The following HIBCH variants were observed in gnomAD, a reference collection of about 807,000 sequenced individuals.
HIBCH encodes 3-hydroxyisobutyryl-CoA hydrolase, mitochondrial.
Under a neutral mutation model 58.2 loss-of-function variants are expected in HIBCH, and 50 were observed. That is an observed-to-expected ratio of 0.86 (90% CI 0.68 to 1.09). The LOEUF is 1.09. Among genes scored for constraint, HIBCH ranks in the 50% least tolerant of loss-of-function variants. The pLI is 0.00. For synonymous variants in HIBCH, 151 were observed against 146.9 expected (o/e 1.03, Z -0.20); for missense variants, 450 against 449.7 (o/e 1.00, Z -0.01).
chr2:190,278,510 C>T (rs771121150), intron 6 of HIBCH, among the ~76,000 whole-genome samples: 1 of 152,144 alleles, frequency 6.6e-6, no homozygotes, highest in Non-Finnish European at 1.5e-5. Context: ...AGCCTAGAAT[C>T]TGCTTTTTAA....
intron 2 of HIBCH, among the ~76,000 whole-genome samples, chr2:190,303,668 C>G (rs1688328178): frequency 6.6e-6 from 1 of 152,154 alleles, no homozygotes; most frequent in African/African-American, 2.4e-5. Flanking sequence ...ATCTCCCTTC[C>G]AAGAGACAGA....
intron 6 of HIBCH, among the ~76,000 whole-genome samples, chr2:190,272,197 G>A (rs1431896332): frequency 6.6e-6 from 1 of 152,164 alleles, no homozygotes; most frequent in African/African-American, 2.4e-5. Context: ...TGCCTGTTTG[G>A]ACAGTAAGCT....
chr2:190,227,912 T>C (rs1685959575), intron 11 of HIBCH, among the ~76,000 whole-genome samples: 1 of 152,152 alleles, frequency 6.6e-6, no homozygotes, highest in Admixed American at 6.5e-5. Context: ...CGACAGGTGC[T>C]GAAGAGGAAG....
chr2:190,258,239 C>T (rs183916362), intron 7 of HIBCH, among the ~76,000 whole-genome samples: 1 of 152,244 alleles, frequency 6.6e-6, no homozygotes, highest in African/African-American at 2.4e-5. Flanking sequence ...TCTTTGGCCA[C>T]GACTGTAAAT....
At chr2:190,257,820 G>A (rs562796395) in intron 7 of HIBCH, among the ~76,000 whole-genome samples, 9 of 152,150 alleles carry the variant, frequency 5.9e-5, no homozygotes, top group South Asian at 2.1e-4. Flanking sequence ...TCCCTGTATC[G>A]GGAACTAACC....
intron 11 of HIBCH, among the ~76,000 whole-genome samples, chr2:190,224,661 C>T (rs934060483): frequency 1.3e-5 from 2 of 152,168 alleles, no homozygotes; most frequent in African/African-American, 4.8e-5. Flanking sequence ...TGCAAAGAGA[C>T]TCAGACTCCC....
Position 190,210,013 on chromosome 2 carries a change from T to A in HIBCH, c.1012-1100A>T, listed in dbSNP as rs1227553727. Among the ~76,000 whole-genome samples, 1 of 152,208 alleles carries A rather than the reference T, an allele frequency of 6.6e-6. No individual in the cohort carries two copies. On this transcript the variant is annotated intron_variant, in intron 12 of 13. Coordinates refer to ENST00000359678, the MANE Select transcript of HIBCH (RefSeq NM_014362.4). The surrounding 1 kb of genome is among the most constrained non-coding windows in gnomAD (Gnocchi z 5.5). ...TTAGTATCATCAACATAATCTTGTT[T>A]CTCTATTGGATCATTCCCAATCATT...
intron 13 of HIBCH, among the ~76,000 whole-genome samples, chr2:190,208,005 A>G (rs986481953): frequency 6.6e-6 from 1 of 152,264 alleles, no homozygotes; most frequent in African/African-American, 2.4e-5. Context: ...CTCATTTTAT[A>G]CAACATAAAT....
At chr2:190,255,385 C>T (rs914166745) in intron 7 of HIBCH, among the ~76,000 whole-genome samples, 1 of 152,180 alleles carries the variant, frequency 6.6e-6, no homozygotes, top group African/African-American at 2.4e-5. Context: ...GTAGCTGACT[C>T]TTGCTATTCA....
At chr2:190,200,118 C>CATTCCATACATT (rs749839939), downstream of HIBCH, 20 of 1,614,008 alleles carry the variant, frequency 1.2e-5, no homozygotes, top group East Asian at 4.2e-4. Context: ...AGTACCATGA[C>CATTCCATACATT]ATTCCATACA....
In HIBCH at chr2:190,279,025, A is replaced by G. The variant is rs1055958520; in HGVS notation, c.438+8561T>C. 6.6e-6 allele frequency among the ~76,000 whole-genome samples: 1 copy of G among 152,216 alleles called. No homozygotes were observed. The highest frequency in any genetic ancestry group is 2.4e-5 in the African/African-American group (1 of 41,448). On this transcript the variant is annotated intron_variant, in intron 6 of 13. Transcript: ENST00000359678. This position sits in a 1 kb window ranked among gnomAD's most constrained non-coding sequence, Gnocchi z 4.2. ...TAAAGAAAAGGAATCTATGTCTTAC[A>G]GCTCTTCTGGAGATTGGGAAAGCCA...
chr2:190,231,987 A>G (rs1034867489), intron 11 of HIBCH, among the ~76,000 whole-genome samples: 1 of 151,996 alleles, frequency 6.6e-6, no homozygotes, highest in African/African-American at 2.4e-5. Context: ...CCTGAGGTCA[A>G]GAGTTCAAGA....
In HIBCH at chr2:190,296,846, A is replaced by T. The variant is rs757046822; in HGVS notation, c.186T>A (p.Leu62=). The T allele has an allele frequency of 5.0e-6, 8 of 1,614,000 alleles. No homozygotes were observed. Among genetic ancestry groups the T allele is most frequent in the Non-Finnish European group, 5.9e-6 (7 of 1,179,852 alleles). Residue 62 remains leucine, a synonymous_variant, in exon 3 of 14, where the codon CTT becomes CTA. Coordinates refer to ENST00000359678, the MANE Select transcript of HIBCH (RefSeq NM_014362.4). ...NRPKFLNALT[L]NMIRQIYPQL... Reference sequence around the variant, plus strand: ...GTGGATAAATCTGCCGAATCATATTAAGAGTCAGTGCATTGAGGAACTTTG... The same window carrying T: ...GTGGATAAATCTGCCGAATCATATTTAGAGTCAGTGCATTGAGGAACTTTG...
chr2:190,302,407 G>A (rs973883705), intron 2 of HIBCH, among the ~76,000 whole-genome samples: 2 of 152,156 alleles, frequency 1.3e-5, no homozygotes, highest in African/African-American at 4.8e-5. Flanking sequence ...ATCACAATTA[G>A]GCCCTATACA....
At chr2:190,224,822 C>T (rs988699623) in intron 11 of HIBCH, among the ~76,000 whole-genome samples, 19 of 152,202 alleles carry the variant, frequency 1.2e-4, no homozygotes, top group Admixed American at 1.2e-3. Flanking sequence ...CCCAAATCAA[C>T]AGAATATACA....
chr2:190,198,924 T>C (rs1015443911), downstream of HIBCH, among the ~76,000 whole-genome samples: 3 of 152,102 alleles, frequency 2.0e-5, no homozygotes, highest in Non-Finnish European at 4.4e-5. Context: ...CAAACAAGGG[T>C]AGGAATGAGA....
At chr2:190,263,232 TATTCCA>T (rs1687142600) in intron 6 of HIBCH, among the ~76,000 whole-genome samples, 2 of 152,186 alleles carry the variant, frequency 1.3e-5, no homozygotes, top group East Asian at 1.9e-4. Flanking sequence ...TATAATACTT[TATTCCA>T]ATTCCAACTC....
chr2:190,237,614 GAAACTGCC>G (rs375694820), intron 11 of HIBCH, among the ~76,000 whole-genome samples: 402 of 152,166 alleles, frequency 2.6e-3, no homozygotes, highest in African/African-American at 9.0e-3. Context: ...AACTTTGTAA[GAAACTGCC>G]AAACTGCATT....
intron 6 of HIBCH, among the ~76,000 whole-genome samples, chr2:190,263,912 T>C (rs1456109576): frequency 6.6e-6 from 1 of 151,912 alleles, no homozygotes; most frequent in Non-Finnish European, 1.5e-5. Context: ...ATGTAATCTA[T>C]GAACTATCCT....
Sources: gnomAD v4.1 joint callset for allele counts (sites outside exome capture counted in the v4.1 genomes callset) on GRCh38, gnomAD v4.1.1 for gene constraint, Gnocchi (gnomAD v3.1) non-coding constraint, MANE v1.5 for transcripts, NCBI Gene and HGNC (gene_info 2026-07-23, HGNC 2026-07-21) for gene names.